The following RBM46 variants were observed in gnomAD, a reference collection of about 807,000 sequenced individuals.
The protein encoded by RBM46 is probable RNA-binding protein 46.
A neutral mutation model predicts 43.3 loss-of-function variants in RBM46; 12 were observed. The ratio of observed to expected loss-of-function variants is 0.28; its 90% CI spans 0.18 to 0.45. The LOEUF is 0.45. Among genes scored for constraint, RBM46 ranks in the 20% least tolerant of loss-of-function variants. RBM46 has a pLI of 1.00. For synonymous variants in RBM46, 205 were observed against 207.6 expected (o/e 0.99, Z 0.11); for missense variants, 412 against 639.1 (o/e 0.64, Z 3.83).
intron 1 of RBM46, among the ~76,000 whole-genome samples, chr4:154,795,386 T>C (rs1291243594): frequency 1.3e-5 from 2 of 152,214 alleles, no homozygotes; most frequent in Non-Finnish European, 2.9e-5. Flanking sequence ...CTCTTTATGA[T>C]GTATTGCAGA....
At chr4:154,807,069 C>T (rs778940614) in intron 4 of RBM46, among the ~76,000 whole-genome samples, 2 of 151,694 alleles carry the variant, frequency 1.3e-5, no homozygotes, top group African/African-American at 4.8e-5. Flanking sequence ...AATCTAATGT[C>T]TAATCTTATT....
intron 4 of RBM46, among the ~76,000 whole-genome samples, chr4:154,811,790 C>T (rs893692991): frequency 4.6e-5 from 7 of 151,842 alleles, no homozygotes; most frequent in Admixed American, 3.3e-4. Context: ...AAGTGATTCT[C>T]CTGCCTCAGC....
At chr4:154,790,924 G>A (rs1018234772) in intron 1 of RBM46, among the ~76,000 whole-genome samples, 3 of 152,132 alleles carry the variant, frequency 2.0e-5, no homozygotes, top group Admixed American at 6.5e-5. Context: ...GGTTTTTGTT[G>A]ACAGCATGCT....
intron 4 of RBM46, among the ~76,000 whole-genome samples, chr4:154,803,439 G>C (rs1469874657): frequency 6.6e-6 from 1 of 152,014 alleles, no homozygotes; most frequent in African/African-American, 2.4e-5. Flanking sequence ...GGTGGCTCAC[G>C]CCTGTAATCC....
intron 4 of RBM46, among the ~76,000 whole-genome samples, chr4:154,803,323 A>G (rs918295202): frequency 1.3e-5 from 2 of 152,168 alleles, no homozygotes; most frequent in Non-Finnish European, 2.9e-5. Context: ...TCACTTACTT[A>G]AAATTAGAGA....
intron 3 of RBM46, 79 bp from the exon 4 acceptor site, chr4:154,798,702 TG>T: frequency 8.8e-7 from 1 of 1,133,330 alleles, no homozygotes; most frequent in Non-Finnish European, 1.2e-6. Flanking sequence ...TCTGCTTCTC[TG>T]GGGAAACAGT....
At chr4:154,787,793 T>A (rs537259943) in intron 1 of RBM46, among the ~76,000 whole-genome samples, 2 of 152,150 alleles carry the variant, frequency 1.3e-5, no homozygotes, top group Non-Finnish European at 2.9e-5. Flanking sequence ...AGTTTACAGT[T>A]CCACCAACAG....
At chr4:154,816,901 A>C (rs156577) in intron 4 of RBM46, among the ~76,000 whole-genome samples, 4,203 of 152,154 alleles carry the variant, frequency 0.028, 205 homozygotes, top group African/African-American at 0.096. Flanking sequence ...AATTTTGTCA[A>C]ATACTTTTTT....
chr4:154,792,845 A>G (rs1198294211), intron 1 of RBM46, among the ~76,000 whole-genome samples: 1 of 152,204 alleles, frequency 6.6e-6, no homozygotes, highest in African/African-American at 2.4e-5. Flanking sequence ...GGAGGAAGAG[A>G]TGATGAAGAG....
At chr4:154,812,986 T>C (rs1031407434) in intron 4 of RBM46, among the ~76,000 whole-genome samples, 4 of 152,224 alleles carry the variant, frequency 2.6e-5, no homozygotes, top group Admixed American at 6.5e-5. Context: ...TACTCAAAAT[T>C]TTTCTTCCAT....
rs1223529332 is a variant in RBM46 at position 154,828,135 on chromosome 4, T to C, written c.*68T>C. ...GTATGAAAACTTGCAAATTAAAATA[T>C]TGTTTTATTTTAGAATCGGGTTTGC... On this transcript the variant is annotated 3_prime_UTR_variant, in exon 5 of 5. Coordinates refer to ENST00000281722, the MANE Select transcript of RBM46 (RefSeq NM_144979.5). 2.5e-6 allele frequency: 3 copies of C among 1,197,980 alleles called. No individual in the cohort carries two copies. Among genetic ancestry groups the C allele is most frequent in the Non-Finnish European group, 3.7e-6 (3 of 809,228 alleles). 74.2% of individuals were successfully genotyped at this position (1,197,980 alleles called of 1,614,324 possible).
intron 1 of RBM46, among the ~76,000 whole-genome samples, chr4:154,782,218 T>G (rs1445151863): frequency 6.6e-6 from 1 of 152,178 alleles, no homozygotes; most frequent in African/African-American, 2.4e-5. Flanking sequence ...ACCCCTAATT[T>G]AAAAATGTTT....
intron 4 of RBM46, among the ~76,000 whole-genome samples, chr4:154,811,700 T>TGA (rs1553983689): frequency 0.055 from 8,288 of 150,114 alleles, 644 homozygotes; most frequent in African/African-American, 0.17. Context: ...TGTGTGTGTG[T>TGA]GACAGAGTTT....
At chr4:154,822,707 T>A (rs534395699) in intron 4 of RBM46, among the ~76,000 whole-genome samples, 35 of 151,818 alleles carry the variant, frequency 2.3e-4, no homozygotes, top group Non-Finnish European at 1.2e-4. Context: ...TTTAAAAAAA[T>A]TTCAATACAG....
At chr4:154,812,789 T>A (rs916396434) in intron 4 of RBM46, among the ~76,000 whole-genome samples, 2 of 152,198 alleles carry the variant, frequency 1.3e-5, no homozygotes, top group African/African-American at 4.8e-5. Context: ...TAGCCATACA[T>A]TTCCTGCTGT....
Position 154,828,159 on chromosome 4 carries a change from G to T in RBM46, c.*92G>T, listed in dbSNP as rs1736056599. The T allele has an allele frequency of 1.0e-6, 1 of 1,000,118 alleles. No homozygotes were observed. Among genetic ancestry groups the T allele is most frequent in the Non-Finnish European group, 1.5e-6 (1 of 647,630 alleles). The allele number at this position is 1,000,118 out of a possible 1,614,324, so 62.0% of individuals were successfully genotyped here. A position where few individuals can be genotyped will look rare whatever the true frequency, so the allele number is the denominator to read the frequency against. Reference sequence around the variant, plus strand: ...ATTGTTTTATTTTAGAATCGGGTTTGCATATTTGGTTTTAAAAAGGTATTT... The same window carrying T: ...ATTGTTTTATTTTAGAATCGGGTTTTCATATTTGGTTTTAAAAAGGTATTT... On this transcript the variant is annotated 3_prime_UTR_variant, in exon 5 of 5. Transcript: ENST00000281722.
chr4:154,800,621 C>G (rs1236287034), intron 4 of RBM46, among the ~76,000 whole-genome samples: 1 of 149,586 alleles, frequency 6.7e-6, no homozygotes, highest in Non-Finnish European at 1.5e-5. Flanking sequence ...CCTCCTCCAC[C>G]CCCCAAAACC....
intron 1 of RBM46, among the ~76,000 whole-genome samples, chr4:154,783,992 A>T (rs156550): frequency 6.6e-6 from 1 of 151,970 alleles, no homozygotes; most frequent in Admixed American, 6.5e-5. Flanking sequence ...AAAAACAAAC[A>T]GAAAACCTCC....
intron 4 of RBM46, among the ~76,000 whole-genome samples, chr4:154,799,926 A>AT (rs948443485): frequency 2.0e-5 from 3 of 151,698 alleles, no homozygotes; most frequent in Admixed American, 6.6e-5. Flanking sequence ...TGCCAGGCTA[A>AT]TTTTTTGGCT....
Sources: gnomAD v4.1 joint callset for allele counts (sites outside exome capture counted in the v4.1 genomes callset) on GRCh38, gnomAD v4.1.1 for gene constraint, MANE v1.5 for transcripts, NCBI Gene and HGNC (gene_info 2026-07-23, HGNC 2026-07-21) for gene names.